Variants in CCDC6 observed in about 807,000 individuals in gnomAD.
CCDC6 encodes coiled-coil domain-containing protein 6.
In CCDC6, 20 loss-of-function variants were observed where a neutral mutation model predicts 56.6. The observed-to-expected ratio is 0.35, with a 90% CI of 0.25 to 0.51. The LOEUF is 0.51. Ranked by LOEUF, CCDC6 falls within the 20% of genes least tolerant of loss-of-function variation. The pLI, the probability that CCDC6 is intolerant of heterozygous loss-of-function variation, is 0.95. For missense variants in CCDC6, 367 were observed against 601.1 expected (o/e 0.61, Z 4.07); for synonymous variants, 241 against 234.4 (o/e 1.03, Z -0.26).
In CCDC6 at chr10:59,790,034, A is replaced by C. The variant is rs1306017457; in HGVS notation, c.*2883T>G. ...TAAAACTCCTTTCAGTCAACGAAGG[A>C]GTAAGTTCAATTAAAGGCTTCCACT... On this transcript the variant is annotated 3_prime_UTR_variant, in exon 9 of 9. Coordinates refer to ENST00000263102, the MANE Select transcript of CCDC6 (RefSeq NM_005436.5). 4.6e-6 allele frequency: 1 copy of C among 215,968 alleles called. No homozygotes were observed. The highest frequency in any genetic ancestry group is 2.3e-5 in the African/African-American group (1 of 44,348). The allele number at this position is 215,968 out of a possible 1,614,324, so 13.4% of individuals were successfully genotyped here.
At chr10:59,816,306 C>T (rs575226960) in intron 3 of CCDC6, among the ~76,000 whole-genome samples, 16 of 152,314 alleles carry the variant, frequency 1.1e-4, no homozygotes, top group Non-Finnish European at 1.0e-4. Flanking sequence ...AAAAACTCTC[C>T]TGTGACGACA....
intron 1 of CCDC6, among the ~76,000 whole-genome samples, chr10:59,886,566 A>C (rs560859679): frequency 6.6e-6 from 1 of 152,200 alleles, no homozygotes; most frequent in African/African-American, 2.4e-5. Flanking sequence ...TTTTTTCCAA[A>C]GAAGTAAATA....
At chr10:59,837,560 A>G (rs2070893491) in intron 2 of CCDC6, among the ~76,000 whole-genome samples, 2 of 152,064 alleles carry the variant, frequency 1.3e-5, no homozygotes, top group Admixed American at 6.5e-5. Flanking sequence ...CCTGGCTAAC[A>G]TGGTGAAACC....
At chr10:59,858,341 A>G (rs1276690445) in intron 1 of CCDC6, among the ~76,000 whole-genome samples, 1 of 152,206 alleles carries the variant, frequency 6.6e-6, no homozygotes, top group Non-Finnish European at 1.5e-5. Context: ...TGAAGCATTC[A>G]TATTATTTAC....
intron 5 of CCDC6, among the ~76,000 whole-genome samples, chr10:59,811,958 T>C (rs1454555159): frequency 2.6e-5 from 4 of 152,102 alleles, no homozygotes; most frequent in East Asian, 1.9e-4. Context: ...AAATGTATAA[T>C]TGTGGGAACA....
chr10:59,825,035 C>T (rs961959827), intron 3 of CCDC6, among the ~76,000 whole-genome samples: 2 of 152,172 alleles, frequency 1.3e-5, no homozygotes, highest in African/African-American at 4.8e-5. Context: ...CATTGGATTC[C>T]TCTAGCTGTC....
In CCDC6 at chr10:59,841,699, A is replaced by T. The variant is rs566913685; in HGVS notation, c.454-9046T>A. Among the ~76,000 whole-genome samples the T allele has an allele frequency of 2.3e-3, 343 of 150,110 alleles. 2 individuals carry two copies. The highest frequency in any genetic ancestry group is 8.0e-3 in the African/African-American group (326 of 40,886). On this transcript the variant is annotated intron_variant, in intron 2 of 8. Transcript: ENST00000263102. ...TGTTTTTTTTTTTTGAGACGGAGTC[A>T]CTCTGTCGCCCAGGCTGGAGTGCGT...
At chr10:59,809,850 A>G (rs1418027262) in intron 5 of CCDC6, among the ~76,000 whole-genome samples, 1 of 152,244 alleles carries the variant, frequency 6.6e-6, no homozygotes, top group Admixed American at 6.5e-5. Context: ...CTCAGTTTCC[A>G]AGAACCCAAG....
At chr10:59,844,209 C>T (rs1440457628) in intron 2 of CCDC6, among the ~76,000 whole-genome samples, 1 of 152,012 alleles carries the variant, frequency 6.6e-6, no homozygotes, top group Admixed American at 6.6e-5. Context: ...TACGTTCTTC[C>T]AGAAATTAGT....
At chr10:59,840,289 T>TA (rs1322829567) in intron 2 of CCDC6, among the ~76,000 whole-genome samples, 4 of 152,248 alleles carry the variant, frequency 2.6e-5, no homozygotes, top group African/African-American at 9.6e-5. Flanking sequence ...CAAATGCGTG[T>TA]AATGATTTCA....
At chr10:59,867,235 G>C (rs2071185302) in intron 1 of CCDC6, among the ~76,000 whole-genome samples, 1 of 152,064 alleles carries the variant, frequency 6.6e-6, no homozygotes, top group Non-Finnish European at 1.5e-5. Flanking sequence ...AAAATTCTAA[G>C]CCTCCCCCAA....
intron 7 of CCDC6, among the ~76,000 whole-genome samples, chr10:59,803,895 C>A (rs1035088797): frequency 6.6e-6 from 1 of 152,224 alleles, no homozygotes; most frequent in Non-Finnish European, 1.5e-5. Context: ...AACACACAGG[C>A]TCTTTAAACA....
intron 2 of CCDC6, among the ~76,000 whole-genome samples, chr10:59,835,244 T>G (rs2070871868): frequency 6.6e-6 from 1 of 152,212 alleles, no homozygotes. Context: ...ATAAAGGATG[T>G]AATCTAACAT....
In CCDC6 at chr10:59,794,474, G is replaced by A. The variant is rs374596318; in HGVS notation, c.1229C>T (p.Thr410Ile). 2 of 1,614,056 alleles carry A rather than the reference G, an allele frequency of 1.2e-6. No homozygotes were observed. Among genetic ancestry groups the A allele is most frequent in the South Asian group, 1.1e-5 (1 of 91,074 alleles). Residue 410 changes from threonine (T) to isoleucine (I), a missense_variant and splice_region_variant, in exon 8 of 9, where the codon ACA becomes ATA. Physicochemically the swap from Thr to Ile is moderately conservative, Grantham distance 89 (BLOSUM62 -1). Coordinates refer to ENST00000263102, the MANE Select transcript of CCDC6 (RefSeq NM_005436.5). ...VQHMGTSHGI[T>I]RPSPRRSNSP... ...GCTTCCTACCCCACGGACACTTACT[G>A]TGATACCATGGGATGTTCCCATGTG...
In CCDC6 at chr10:59,854,585, C is replaced by T. The variant is rs533520837; in HGVS notation, c.304-1883G>A. ...ATAGGTTCCCCCAGTGGTTCCCTTACATACCTCCTATTTCATTAACGCTTC... is the reference window on the plus strand; with the variant it reads ...ATAGGTTCCCCCAGTGGTTCCCTTATATACCTCCTATTTCATTAACGCTTC... On this transcript the variant is annotated intron_variant, in intron 1 of 8. Transcript: ENST00000263102. Among the ~76,000 whole-genome samples, 13 of 152,296 alleles carry T rather than the reference C, an allele frequency of 8.5e-5. 1 individual carries two copies. In the East Asian group the frequency reaches 2.5e-3, roughly 29 times the overall value.
At chr10:59,828,829 C>T (rs1218813456) in intron 3 of CCDC6, among the ~76,000 whole-genome samples, 2 of 152,162 alleles carry the variant, frequency 1.3e-5, no homozygotes, top group African/African-American at 2.4e-5. Flanking sequence ...AGCTGATGCC[C>T]CTACCCCTGG....
At chr10:59,839,372 A>C (rs2070916517) in intron 2 of CCDC6, among the ~76,000 whole-genome samples, 1 of 152,226 alleles carries the variant, frequency 6.6e-6, no homozygotes, top group African/African-American at 2.4e-5. Flanking sequence ...TAGAAAATAC[A>C]TTGTGAATGC....
At position 59,792,065 on chromosome 10, in the gene CCDC6, A is replaced by G. The variant is rs950558025; in HGVS notation, c.*852T>C. ...ATGAAGTACGAAAGGGGGAAGCCGC[A>G]TTGTTTTTGTTACAATCACACTGCC... is the stretch of plus-strand genomic sequence containing the variant. On this transcript the variant is annotated 3_prime_UTR_variant, in exon 9 of 9. Transcript: ENST00000263102. The G allele has an allele frequency of 8.8e-6, 2 of 227,612 alleles. No individual in the cohort carries two copies. The highest frequency in any genetic ancestry group is 2.2e-5 in the African/African-American group (1 of 45,022). The allele number at this position is 227,612 out of a possible 1,614,324, so 14.1% of individuals were successfully genotyped here.
chr10:59,906,086 G>A (rs2071543359), intron 1 of CCDC6, 36 bp downstream of exon 1: 6 of 1,527,972 alleles, frequency 3.9e-6, no homozygotes, highest in Non-Finnish European at 5.3e-6. Context: ...GGCGGGCGGA[G>A]GTCGGCGCTG....
Sources: allele counts gnomAD v4.1 joint callset (sites outside exome capture counted in the v4.1 genomes callset), GRCh38; gene constraint gnomAD v4.1.1; transcripts MANE v1.5; gene names NCBI Gene and HGNC (gene_info 2026-07-23, HGNC 2026-07-21).